The following IL1RAPL2 variants were observed in gnomAD, a reference collection of about 807,000 sequenced individuals.
IL1RAPL2 encodes interleukin 1 receptor accessory protein like 2, also known as X-linked interleukin-1 receptor accessory protein-like 2.
In IL1RAPL2, 3 loss-of-function variants were observed where a neutral mutation model predicts 44.1. The ratio of observed to expected loss-of-function variants is 0.07; its 90% CI spans 0.03 to 0.18. The LOEUF is 0.18. Ranked by LOEUF, IL1RAPL2 falls within the 10% of genes least tolerant of loss-of-function variation. The pLI is 1.00. For missense variants in IL1RAPL2, 391 were observed against 496.4 expected (o/e 0.79, Z 2.02); for synonymous variants, 181 against 178.8 (o/e 1.01, Z -0.10).
chrX:105,093,447 T>C (rs778563630), intron 2 of IL1RAPL2, among the ~76,000 whole-genome samples: 4 of 111,079 alleles, frequency 3.6e-5, no homozygotes, highest in Non-Finnish European at 7.5e-5. Context: ...AGCCATCCCA[T>C]ACATTTGTGT....
At chrX:104,586,659 C>T (rs1399139075) in intron 1 of IL1RAPL2, among the ~76,000 whole-genome samples, 12 of 111,835 alleles carry the variant, frequency 1.1e-4, no homozygotes, top group African/African-American at 3.9e-4. Flanking sequence ...CAAGAATTTT[C>T]TTTGGGTTGT....
chrX:105,030,904 C>A (rs1428994314), intron 2 of IL1RAPL2, among the ~76,000 whole-genome samples: 1 of 111,339 alleles, frequency 9.0e-6, no homozygotes, highest in African/African-American at 3.3e-5. Context: ...TTGTTTGTAT[C>A]CTCTTTTATT....
chrX:104,648,723 T>G (rs1012481489), intron 1 of IL1RAPL2, among the ~76,000 whole-genome samples: 1 of 111,394 alleles, frequency 9.0e-6, no homozygotes, highest in African/African-American at 3.3e-5. Flanking sequence ...ACATAACACT[T>G]TTGATTTTAT....
intron 2 of IL1RAPL2, among the ~76,000 whole-genome samples, chrX:105,178,697 C>A (rs190120198): frequency 9.0e-6 from 1 of 111,648 alleles, no homozygotes; most frequent in East Asian, 2.8e-4. Flanking sequence ...CTAATTAGGG[C>A]AAGATGATAT....
chrX:104,728,086 G>A (rs1415901620), intron 2 of IL1RAPL2, among the ~76,000 whole-genome samples: 1 of 110,261 alleles, frequency 9.1e-6, no homozygotes, highest in Non-Finnish European at 1.9e-5. Flanking sequence ...TGCACTTGTA[G>A]CCCCTAAATC....
At chrX:105,662,156 C>T (rs1360448095) in intron 6 of IL1RAPL2, among the ~76,000 whole-genome samples, 4 of 112,384 alleles carry the variant, frequency 3.6e-5, no homozygotes, top group African/African-American at 9.7e-5. Context: ...ACTCTTCCTA[C>T]TTTATCTTCC....
At chrX:104,777,824 C>T (rs777228852) in intron 2 of IL1RAPL2, among the ~76,000 whole-genome samples, 3 of 110,160 alleles carry the variant, frequency 2.7e-5, no homozygotes, top group East Asian at 2.9e-4. Flanking sequence ...TCAAGTGATC[C>T]GTGTACCTTG....
intron 1 of IL1RAPL2, among the ~76,000 whole-genome samples, chrX:104,607,189 C>A (rs1387319953): frequency 8.9e-6 from 1 of 112,025 alleles, no homozygotes; most frequent in Admixed American, 9.5e-5. Flanking sequence ...TAGCCAGACA[C>A]AGAAAACTGA....
intron 2 of IL1RAPL2, among the ~76,000 whole-genome samples, chrX:104,685,629 G>A (rs1227880563): frequency 9.0e-6 from 1 of 111,336 alleles, no homozygotes; most frequent in Non-Finnish European, 1.9e-5. Flanking sequence ...CTGGGGTGGG[G>A]GAAGGGGGAA....
intron 3 of IL1RAPL2, among the ~76,000 whole-genome samples, chrX:105,226,434 G>T (rs2034016227): frequency 2.8e-5 from 2 of 71,044 alleles, no homozygotes; most frequent in Admixed American, 2.4e-4. Context: ...GTCTCACTCT[G>T]TTGCTCAGGC....
chrX:104,586,403 T>A (rs1258285656), intron 1 of IL1RAPL2, among the ~76,000 whole-genome samples: 5 of 112,252 alleles, frequency 4.5e-5, no homozygotes, highest in African/African-American at 1.6e-4. Flanking sequence ...TTCCTGTTTT[T>A]TCTGTTGATA....
intron 6 of IL1RAPL2, among the ~76,000 whole-genome samples, chrX:105,654,693 T>C (rs1248301448): frequency 1.8e-5 from 2 of 111,876 alleles, no homozygotes; most frequent in African/African-American, 6.5e-5. Context: ...TTTATTTGCT[T>C]TTCTGCAAAT....
Position 105,312,140 on chromosome X carries a change from A to C in IL1RAPL2, c.697+44599A>C, listed in dbSNP as rs142805718. Among the ~76,000 whole-genome samples, 469 of 111,745 alleles carry C rather than the reference A, an allele frequency of 4.2e-3. 3 individuals carry two copies. The highest frequency in any genetic ancestry group is 0.014 in the African/African-American group (446 of 30,830). Reference sequence around the variant, plus strand: ...ATACCTGGGCAGAGTGTGAAACAAAAGCAGTATTTCAGGTTAGGATAAGAA... The same window carrying C: ...ATACCTGGGCAGAGTGTGAAACAAACGCAGTATTTCAGGTTAGGATAAGAA... On this transcript the variant is annotated intron_variant, in intron 5 of 10. Transcript: ENST00000372582.
chrX:104,783,098 T>C (rs1298788079), intron 2 of IL1RAPL2, among the ~76,000 whole-genome samples: 3 of 112,146 alleles, frequency 2.7e-5, no homozygotes, highest in East Asian at 2.8e-4. Flanking sequence ...ACCCAAAGAA[T>C]TGGATTGTGG....
intron 2 of IL1RAPL2, among the ~76,000 whole-genome samples, chrX:104,829,461 C>A (rs1311704643): frequency 6.2e-5 from 7 of 112,017 alleles, no homozygotes; most frequent in Non-Finnish European, 1.1e-4. Context: ...GGGCTGCACT[C>A]ACTGTCTAAC....
Position 105,710,359 on chromosome X carries a change from CTTTTTTT to C in IL1RAPL2, c.773-6994_773-6988del, listed in dbSNP as rs61023852. ...ACTGTTGTCTGGGTAGAAAATCCTA[CTTTTTTT>C]TTTTTTTTTTTTTCGGTTTCCACCA... On this transcript the variant is annotated intron_variant, in intron 6 of 10. Coordinates refer to ENST00000372582, the MANE Select transcript of IL1RAPL2 (RefSeq NM_017416.2). 2.9e-3 allele frequency among the ~76,000 whole-genome samples: 189 copies of C among 65,840 alleles called. 3 individuals carry two copies. The highest frequency in any genetic ancestry group is 0.011 in the African/African-American group (181 of 16,426). 57.2% of individuals were successfully genotyped at this position (65,840 alleles called of 115,157 possible). A position where few individuals can be genotyped will look rare whatever the true frequency, so the allele number is the denominator to read the frequency against.
chrX:105,675,014 A>T (rs1231891989), intron 6 of IL1RAPL2, among the ~76,000 whole-genome samples: 1 of 110,794 alleles, frequency 9.0e-6, no homozygotes, highest in Non-Finnish European at 1.9e-5. Context: ...TTGACTTTGT[A>T]TCCTGAGACT....
intron 6 of IL1RAPL2, among the ~76,000 whole-genome samples, chrX:105,715,400 A>AT (rs1255312704): frequency 8.9e-6 from 1 of 111,949 alleles, no homozygotes; most frequent in Non-Finnish European, 1.9e-5. Context: ...CAATTTATAG[A>AT]TTTTTGTGGT....
Position 104,837,364 on chromosome X carries a change from A to G in IL1RAPL2, c.82+178369A>G, listed in dbSNP as rs751363152. Among the ~76,000 whole-genome samples, 6 of 110,998 alleles carry G rather than the reference A, an allele frequency of 5.4e-5. No individual in the cohort carries two copies. The East Asian group carries it at 8.6e-4, about 16-fold the overall frequency. ...CCACTAGCAGTGTAAAAGCATTCCT[A>G]TTTTTCCACAGCCTCACCAGCATCT... On this transcript the variant is annotated intron_variant, in intron 2 of 10. Coordinates refer to ENST00000372582, the MANE Select transcript of IL1RAPL2 (RefSeq NM_017416.2).
Sources: allele counts gnomAD v4.1 joint callset (sites outside exome capture counted in the v4.1 genomes callset), GRCh38; gene constraint gnomAD v4.1.1; transcripts MANE v1.5; gene names NCBI Gene and HGNC (gene_info 2026-07-23, HGNC 2026-07-21).